The following SCHIP1 variants were observed in gnomAD, a reference collection of about 807,000 sequenced individuals.
SCHIP1 encodes schwannomin-interacting protein 1.
SCHIP1 carries 8 observed loss-of-function variants against 29.7 expected under a neutral mutation model. The observed-to-expected ratio is 0.27, with a 90% CI of 0.16 to 0.49. SCHIP1 has a LOEUF of 0.49. SCHIP1 is among the 20% of genes least tolerant of loss of function. SCHIP1 has a pLI of 0.99. For synonymous variants in SCHIP1, 76 were observed against 94.9 expected, an observed-to-expected ratio of 0.80 and a Z score of 1.16; for missense variants, 193 against 294.6, an observed-to-expected ratio of 0.66 and a Z score of 2.52.
chr3:159,318,537 C>T, the SCHIP1 span, among the ~76,000 whole-genome samples: 1 of 152,194 alleles, frequency 6.6e-6, no homozygotes, highest in Admixed American at 6.5e-5. Flanking sequence ...CTGCAGCTGT[C>T]CACTTTTGGG....
intron 4 of SCHIP1, 63 bp downstream of exon 5, chr3:159,887,968 C>T (rs1245276279): frequency 6.3e-7 from 1 of 1,580,854 alleles, no homozygotes; most frequent in Non-Finnish European, 8.6e-7. Flanking sequence ...GACACTGTCC[C>T]AGTCCTTTCC....
the SCHIP1 span, among the ~76,000 whole-genome samples, chr3:159,672,525 G>A: frequency 6.6e-6 from 1 of 152,100 alleles, no homozygotes; most frequent in African/African-American, 2.4e-5. Context: ...TTCTTAACTG[G>A]AGCAATTTTG....
the SCHIP1 span, among the ~76,000 whole-genome samples, chr3:159,796,198 T>C: frequency 6.6e-6 from 1 of 152,136 alleles, no homozygotes; most frequent in Non-Finnish European, 1.5e-5. Flanking sequence ...GAGTGGTGTC[T>C]GATGGTGGTG....
At chr3:159,494,353 C>G in the SCHIP1 span, among the ~76,000 whole-genome samples, 11 of 152,028 alleles carry the variant, frequency 7.2e-5, no homozygotes, top group Non-Finnish European at 1.2e-4. Context: ...TGATAGACCG[C>G]TAGCAAGACT....
the SCHIP1 span, among the ~76,000 whole-genome samples, chr3:159,535,887 A>G: frequency 6.6e-6 from 1 of 152,188 alleles, no homozygotes; most frequent in African/African-American, 2.4e-5. Flanking sequence ...CTCATGGGCT[A>G]TAGAAAAACA....
chr3:159,690,483 T>A, the SCHIP1 span, among the ~76,000 whole-genome samples: 1 of 152,210 alleles, frequency 6.6e-6, no homozygotes, highest in South Asian at 2.1e-4. Flanking sequence ...GATTCTTCTC[T>A]CTTTTCTCCT....
At chr3:159,698,628 T>C in the SCHIP1 span, among the ~76,000 whole-genome samples, 1 of 152,132 alleles carries the variant, frequency 6.6e-6, no homozygotes, top group African/African-American at 2.4e-5. Context: ...CTTAGTTCTT[T>C]ATTTTTTTTT....
chr3:159,697,918 A>G, the SCHIP1 span, among the ~76,000 whole-genome samples: 1 of 152,272 alleles, frequency 6.6e-6, no homozygotes, highest in African/African-American at 2.4e-5. Context: ...AAAATTTGAT[A>G]TATGTATTTG....
chr3:159,448,213 C>A, the SCHIP1 span, among the ~76,000 whole-genome samples: 13 of 152,280 alleles, frequency 8.5e-5, no homozygotes, highest in Middle Eastern at 3.4e-3. Context: ...GTTCTTCACG[C>A]CTGTGATCCC....
At chr3:159,488,042 A>G in the SCHIP1 span, among the ~76,000 whole-genome samples, 1 of 152,336 alleles carries the variant, frequency 6.6e-6, no homozygotes, top group South Asian at 2.1e-4. Flanking sequence ...AGAACCTGGC[A>G]TGATGCTGGG....
At chr3:159,521,301 A>G in the SCHIP1 span, among the ~76,000 whole-genome samples, 5 of 152,366 alleles carry the variant, frequency 3.3e-5, no homozygotes, top group South Asian at 1.0e-3. Context: ...GAAATTCTAC[A>G]GTAGCAAGCC....
At chr3:159,404,566 G>A in the SCHIP1 span, among the ~76,000 whole-genome samples, 1 of 152,154 alleles carries the variant, frequency 6.6e-6, no homozygotes, top group African/African-American at 2.4e-5. Context: ...AAAATGGAGG[G>A]AAGAGTGGGA....
At chr3:159,433,560 A>G in the SCHIP1 span, among the ~76,000 whole-genome samples, 4 of 152,200 alleles carry the variant, frequency 2.6e-5, no homozygotes, top group African/African-American at 7.2e-5. Context: ...TCTTTCATAT[A>G]CTGATTAAAA....
the SCHIP1 span, among the ~76,000 whole-genome samples, chr3:159,750,283 A>G: frequency 1.4e-4 from 6 of 41,680 alleles, no homozygotes; most frequent in Non-Finnish European, 3.7e-4. Flanking sequence ...ATATATATAT[A>G]TATATATATA....
At chr3:159,431,859 A>G in the SCHIP1 span, among the ~76,000 whole-genome samples, 1 of 151,776 alleles carries the variant, frequency 6.6e-6, no homozygotes, top group African/African-American at 2.4e-5. Context: ...TTTATCATTC[A>G]TGGTATTTTA....
chr3:159,321,649 G>C, the SCHIP1 span, among the ~76,000 whole-genome samples: 1 of 151,830 alleles, frequency 6.6e-6, no homozygotes, highest in Admixed American at 6.6e-5. Flanking sequence ...TGTGCCATGC[G>C]GGCAGAAACT....
chr3:159,300,505 C>T, the SCHIP1 span, among the ~76,000 whole-genome samples: 1 of 152,106 alleles, frequency 6.6e-6, no homozygotes, highest in East Asian at 1.9e-4. Context: ...GTGAATTTTT[C>T]CAGCTCCCTC....
At chr3:159,554,002 G>T in the SCHIP1 span, among the ~76,000 whole-genome samples, 2 of 124,872 alleles carry the variant, frequency 1.6e-5, no homozygotes, top group African/African-American at 8.3e-5. Flanking sequence ...GTGTGTGTGT[G>T]TGTGTGTGTG....
the SCHIP1 span, among the ~76,000 whole-genome samples, chr3:159,698,837 G>T: frequency 6.6e-6 from 1 of 152,100 alleles, no homozygotes; most frequent in South Asian, 2.1e-4. Context: ...GTAGAGACGG[G>T]GTTGCTCCAT....
Sources: allele counts gnomAD v4.1 joint callset (sites outside exome capture counted in the v4.1 genomes callset), GRCh38; gene constraint gnomAD v4.1.1; transcripts MANE v1.5; gene names NCBI Gene and HGNC (gene_info 2026-07-23, HGNC 2026-07-21).